The following RBFOX1 variants were observed in gnomAD, a reference collection of about 807,000 sequenced individuals.
RBFOX1 encodes RNA binding protein fox-1 homolog 1.
RBFOX1 carries 8 observed loss-of-function variants against 57.7 expected under a neutral mutation model. The observed-to-expected ratio is 0.14, with a 90% CI of 0.08 to 0.25. The LOEUF is 0.25. RBFOX1 is among the 10% of genes least tolerant of loss of function. The pLI is 1.00. For synonymous variants in RBFOX1, 326 were observed against 222.4 expected, an observed-to-expected ratio of 1.47 and a Z score of -4.15; for missense variants, 611 against 548.5, an observed-to-expected ratio of 1.11 and a Z score of -1.14.
chr16:6,328,208 C>T (rs1429663645), intron 2 of RBFOX1, among the ~76,000 whole-genome samples: 3 of 152,140 alleles, frequency 2.0e-5, no homozygotes, highest in East Asian at 3.9e-4. Flanking sequence ...TGTTCTGACT[C>T]ATAAGTGGGA....
chr16:6,243,527 C>T (rs1332237288), intron 1 of RBFOX1, among the ~76,000 whole-genome samples: 1 of 152,178 alleles, frequency 6.6e-6, no homozygotes, highest in Non-Finnish European at 1.5e-5. Flanking sequence ...TCTGTGTTAT[C>T]CTGCCCAACA....
chr16:6,152,063 T>C (rs892691416), intron 1 of RBFOX1, among the ~76,000 whole-genome samples: 2 of 152,254 alleles, frequency 1.3e-5, no homozygotes, highest in Non-Finnish European at 1.5e-5. Flanking sequence ...ATATCCTTTA[T>C]GGTTTTCCTT....
At chr16:6,651,670 T>A (rs1177068344) in intron 2 of RBFOX1, among the ~76,000 whole-genome samples, 2 of 152,106 alleles carry the variant, frequency 1.3e-5, no homozygotes, top group Admixed American at 6.6e-5. Flanking sequence ...AAATGAAACA[T>A]TGAATTACCA....
rs550865233 is a variant in RBFOX1 at position 7,461,446 on chromosome 16, A to G, written c.28-56701A>G. Among the ~76,000 whole-genome samples, 3 of 152,260 alleles carry G rather than the reference A, an allele frequency of 2.0e-5. No individual in the cohort carries two copies. The South Asian group carries it at 6.2e-4, about 32-fold the overall frequency. ...CTCCCAAAGTGCTGGGATTACAGGC[A>G]TGAGTCACTGTGCCCGGCCAAAGTA... On this transcript the variant is annotated intron_variant, in intron 4 of 15. Transcript: ENST00000550418.
chr16:5,741,851 A>C (rs972654660), intron 3 of RBFOX1, among the ~76,000 whole-genome samples: 2 of 152,372 alleles, frequency 1.3e-5, no homozygotes, highest in East Asian at 3.9e-4. Context: ...TTTGTAAAAC[A>C]CTTAATGCCT....
intron 3 of RBFOX1, among the ~76,000 whole-genome samples, chr16:6,971,202 A>C (rs1568152195): frequency 6.6e-6 from 1 of 152,184 alleles, no homozygotes; most frequent in Non-Finnish European, 1.5e-5. Context: ...AGAGATTTTA[A>C]AATATAGAAA....
intron 4 of RBFOX1, among the ~76,000 whole-genome samples, chr16:7,443,505 A>T (rs2098785553): frequency 6.6e-6 from 1 of 151,494 alleles, no homozygotes; most frequent in African/African-American, 2.4e-5. Flanking sequence ...AAGAACCTTG[A>T]ATCCTGCCAG....
chr16:7,506,706 C>A (rs923542258), intron 4 of RBFOX1, among the ~76,000 whole-genome samples: 1 of 152,076 alleles, frequency 6.6e-6, no homozygotes, highest in Non-Finnish European at 1.5e-5. Context: ...GGGTTCTTTC[C>A]CTTACTAATG....
intron 4 of RBFOX1, among the ~76,000 whole-genome samples, chr16:7,444,685 C>G (rs892257527): frequency 6.6e-6 from 1 of 152,080 alleles, no homozygotes; most frequent in African/African-American, 2.4e-5. Context: ...GTGCACACCA[C>G]CACACCTGGC....
At chr16:7,434,824 C>T (rs560362720) in intron 4 of RBFOX1, among the ~76,000 whole-genome samples, 2 of 151,876 alleles carry the variant, frequency 1.3e-5, no homozygotes, top group South Asian at 4.2e-4. Flanking sequence ...ACTGCAACCT[C>T]TGCCTCCCAG....
intron 3 of RBFOX1, among the ~76,000 whole-genome samples, chr16:5,854,850 A>G (rs887997939): frequency 6.6e-6 from 1 of 152,168 alleles, no homozygotes; most frequent in Non-Finnish European, 1.5e-5. Flanking sequence ...CCCACAATGT[A>G]GAAAGGTACC....
chr16:7,510,373 A>C (rs1004035738), intron 4 of RBFOX1: 120 of 974,986 alleles, frequency 1.2e-4, no homozygotes, highest in Non-Finnish European at 1.4e-4. Context: ...AATGAAGCTG[A>C]AAGCTTTTCT....
At chr16:5,426,309 A>G (rs2067557055) in intron 1 of RBFOX1, among the ~76,000 whole-genome samples, 1 of 152,182 alleles carries the variant, frequency 6.6e-6, no homozygotes, top group African/African-American at 2.4e-5. Context: ...GATCTGATTC[A>G]GGATGTCTGT....
At chr16:6,509,291 C>T (rs776953808) in intron 2 of RBFOX1, among the ~76,000 whole-genome samples, 5 of 151,910 alleles carry the variant, frequency 3.3e-5, no homozygotes, top group African/African-American at 7.3e-5. Flanking sequence ...GTTATTAATC[C>T]CTTGTCAGAT....
chr16:6,727,175 A>T (rs966919073), intron 3 of RBFOX1, among the ~76,000 whole-genome samples: 8 of 151,572 alleles, frequency 5.3e-5, no homozygotes, highest in African/African-American at 1.9e-4. Context: ...ATTCCATAGA[A>T]AGAAGAGGTG....
At chr16:5,403,073 G>A (rs941211014) in intron 1 of RBFOX1, among the ~76,000 whole-genome samples, 5 of 151,574 alleles carry the variant, frequency 3.3e-5, no homozygotes, top group Admixed American at 6.6e-5. Flanking sequence ...TACTACGGGC[G>A]GGGCATGGTG....
intron 4 of RBFOX1, among the ~76,000 whole-genome samples, chr16:5,900,799 A>G (rs1311239165): frequency 6.6e-6 from 1 of 152,142 alleles, no homozygotes; most frequent in African/African-American, 2.4e-5. Context: ...CCCTAGAAGA[A>G]TTCACAACCA....
chr16:6,147,536 G>A (rs1267062649), intron 1 of RBFOX1, among the ~76,000 whole-genome samples: 2 of 152,070 alleles, frequency 1.3e-5, no homozygotes, highest in African/African-American at 2.4e-5. Flanking sequence ...GAATTTAAAG[G>A]TCCCCAATAG....
At chr16:6,447,224 G>A (rs377449243) in intron 2 of RBFOX1, among the ~76,000 whole-genome samples, 3 of 152,030 alleles carry the variant, frequency 2.0e-5, no homozygotes, top group Admixed American at 6.6e-5. Flanking sequence ...CAGATTTCTT[G>A]TACAGTGGAG....
Sources: allele counts gnomAD v4.1 joint callset (sites outside exome capture counted in the v4.1 genomes callset), GRCh38; gene constraint gnomAD v4.1.1; transcripts MANE v1.5; gene names NCBI Gene and HGNC (gene_info 2026-07-23, HGNC 2026-07-21).